The following TAF4B variants were observed in gnomAD, a reference collection of about 807,000 sequenced individuals.
TAF4B encodes transcription initiation factor TFIID subunit 4B.
In TAF4B, 38 loss-of-function variants were observed where a neutral mutation model predicts 86.4. The ratio of observed to expected loss-of-function variants is 0.44; its 90% CI spans 0.34 to 0.58. TAF4B has a LOEUF of 0.58. Among genes scored for constraint, TAF4B ranks in the 20% least tolerant of loss-of-function variants. TAF4B has a pLI of 0.02. For synonymous variants in TAF4B, 388 were observed against 391.2 expected, an observed-to-expected ratio of 0.99 and a Z score of 0.10; for missense variants, 988 against 1,027.6, an observed-to-expected ratio of 0.96 and a Z score of 0.53.
intron 12 of TAF4B, among the ~76,000 whole-genome samples, chr18:26,332,492 A>G (rs1676996): frequency 0.48 from 72,792 of 151,854 alleles, 20,287 homozygotes; most frequent in East Asian, 0.82. Context: ...TACATCAGTG[A>G]CATCTCACCC....
At position 26,286,074 on chromosome 18, in the gene TAF4B, A is replaced by G. The variant is rs1295098884; in HGVS notation, c.1165A>G (p.Arg389Gly). The change falls in exon 7 of 15, where the codon AGA (arginine) becomes GGA (glycine). Residue 389 changes from arginine to glycine, a missense_variant. This residue lies in a region of TAF4B where 747 missense variants were observed against 737.9 expected (regional missense o/e 1.01). Transcript: ENST00000269142. The part of the protein sequence containing the change: ...SIIVSGATAP[R>G]TVSVQTLNPL... The stretch of plus-strand genomic sequence containing the variant: ...TATTGTTTCTGGAGCAACAGCACCC[A>G]GAACTGTGTCAGTGCAAACTTTGAA... 3 of 1,614,240 alleles carry G rather than the reference A, an allele frequency of 1.9e-6. No homozygotes were observed. Among genetic ancestry groups the G allele is most frequent in the Non-Finnish European group, 2.5e-6 (3 of 1,180,032 alleles).
Position 26,274,751 on chromosome 18 carries a change from C to T in TAF4B, c.686C>T (p.Ala229Val). ...VTTLKPSSLG[A>V]SSTPSNEPNL... Reference sequence around the variant, plus strand: ...ACCCTGAAGCCTTCAAGTTTGGGAGCATCATCCACTCCTTCAAATGAGCCC... The same window carrying T: ...ACCCTGAAGCCTTCAAGTTTGGGAGTATCATCCACTCCTTCAAATGAGCCC... Residue 229 changes from alanine (A) to valine (V), a missense_variant, in exon 4 of 15, where the codon GCA becomes GTA. Physicochemically the swap from Ala to Val is moderately conservative, Grantham distance 64 (BLOSUM62 0). Transcript: ENST00000269142. The T allele has an allele frequency of 6.2e-7, 1 of 1,614,194 alleles. No homozygotes were observed. Among genetic ancestry groups the T allele is most frequent in the East Asian group, 2.2e-5 (1 of 44,878 alleles).
intron 13 of TAF4B, among the ~76,000 whole-genome samples, chr18:26,346,699 A>AAT (rs2057181951): frequency 7.1e-6 from 1 of 140,976 alleles, no homozygotes; most frequent in East Asian, 2.1e-4. Flanking sequence ...ATATATTCAA[A>AAT]ATACTGAAAA....
chr18:26,279,284 C>CA (rs1395875640), intron 5 of TAF4B, among the ~76,000 whole-genome samples: 1 of 151,958 alleles, frequency 6.6e-6, no homozygotes, highest in Non-Finnish European at 1.5e-5. Flanking sequence ...GCCACACACA[C>CA]AAAAATGAAG....
chr18:26,236,539 T>C (rs1243642823), intron 1 of TAF4B, among the ~76,000 whole-genome samples: 1 of 152,176 alleles, frequency 6.6e-6, no homozygotes, highest in East Asian at 1.9e-4. Flanking sequence ...GCAGGGTGCC[T>C]TCCAGGGATT....
chr18:26,240,700 A>T (rs1439067294), intron 1 of TAF4B, among the ~76,000 whole-genome samples: 2 of 152,208 alleles, frequency 1.3e-5, no homozygotes, highest in African/African-American at 4.8e-5. Flanking sequence ...TTGTACATTC[A>T]GTATGATATT....
intron 9 of TAF4B, among the ~76,000 whole-genome samples, chr18:26,313,903 AGCAATCCTCCCACCTTG>A: frequency 6.6e-6 from 1 of 152,166 alleles, no homozygotes; most frequent in South Asian, 2.1e-4. Flanking sequence ...CCTCACCTAA[AGCAATCCTCCCACCTTG>A]GCCTCCCAGA....
chr18:26,360,193 G>A (rs1313019677), intron 14 of TAF4B, among the ~76,000 whole-genome samples: 1 of 151,982 alleles, frequency 6.6e-6, no homozygotes, highest in Non-Finnish European at 1.5e-5. Context: ...TACCCTCTAA[G>A]TTGTATCAGT....
intron 12 of TAF4B, among the ~76,000 whole-genome samples, chr18:26,330,756 C>T (rs1045477920): frequency 2.0e-5 from 3 of 152,172 alleles, no homozygotes; most frequent in African/African-American, 7.2e-5. Flanking sequence ...CCCTTAATCT[C>T]TCCATGTTTG....
At chr18:26,234,254 T>C (rs2055715209) in intron 1 of TAF4B, among the ~76,000 whole-genome samples, 1 of 152,254 alleles carries the variant, frequency 6.6e-6, no homozygotes, top group African/African-American at 2.4e-5. Context: ...AGCGTCTGCC[T>C]GACGGTTTCC....
chr18:26,363,127 A>G (rs75262630), intron 14 of TAF4B, among the ~76,000 whole-genome samples: 2,238 of 152,258 alleles, frequency 0.015, 42 homozygotes, highest in African/African-American at 0.051. Context: ...AGGGATGACT[A>G]TAATGTCAAT....
At chr18:26,361,573 C>T (rs908383387) in intron 14 of TAF4B, among the ~76,000 whole-genome samples, 1 of 151,452 alleles carries the variant, frequency 6.6e-6, no homozygotes, top group Non-Finnish European at 1.5e-5. Context: ...TGTGAAACCC[C>T]GTCTCTACTA....
intron 7 of TAF4B, 132 bp downstream of exon 7, chr18:26,286,631 T>A: frequency 9.8e-7 from 1 of 1,020,540 alleles, no homozygotes; most frequent in Non-Finnish European, 1.4e-6. Flanking sequence ...TTTTTTTTTT[T>A]TTTTACCTCA....
chr18:26,304,168 GTTTT>G (rs5823508), intron 9 of TAF4B, among the ~76,000 whole-genome samples: 1 of 125,382 alleles, frequency 8.0e-6, no homozygotes, highest in Non-Finnish European at 1.6e-5. Flanking sequence ...TAGGTCGACT[GTTTT>G]TTTTTTTTTT....
chr18:26,266,922 T>C (rs907561473), intron 2 of TAF4B: 1 of 152,198 alleles, frequency 6.6e-6, no homozygotes, highest in African/African-American at 2.4e-5. Context: ...GGGTATTTTA[T>C]TTAAATAAAA....
At chr18:26,323,054 G>A (rs1297333703) in intron 11 of TAF4B, among the ~76,000 whole-genome samples, 5 of 151,966 alleles carry the variant, frequency 3.3e-5, no homozygotes, top group Non-Finnish European at 7.4e-5. Context: ...TTTTCCTTTT[G>A]TTGTTGGTTT....
intron 1 of TAF4B, among the ~76,000 whole-genome samples, chr18:26,251,510 A>C (rs367905577): frequency 6.6e-6 from 1 of 152,170 alleles, no homozygotes; most frequent in Non-Finnish European, 1.5e-5. Flanking sequence ...TGAAGGGTAG[A>C]ATATGTAAAT....
chr18:26,354,668 C>T (rs1351954217), intron 13 of TAF4B, among the ~76,000 whole-genome samples: 1 of 152,168 alleles, frequency 6.6e-6, no homozygotes, highest in Non-Finnish European at 1.5e-5. Context: ...TGTCATTTCT[C>T]AACTGCATTC....
intron 9 of TAF4B, among the ~76,000 whole-genome samples, chr18:26,312,503 T>C (rs746931639): frequency 5.9e-5 from 9 of 152,148 alleles, no homozygotes; most frequent in Non-Finnish European, 8.8e-5. Flanking sequence ...TATTGAGTAG[T>C]TAGTTCCCTG....
Sources: gnomAD v4.1 joint callset for allele counts (sites outside exome capture counted in the v4.1 genomes callset) on GRCh38, gnomAD v4.1.1 for gene constraint, gnomAD v4.1.1 regional missense constraint, MANE v1.5 for transcripts, NCBI Gene and HGNC (gene_info 2026-07-23, HGNC 2026-07-21) for gene names.